The following TRIML2 variants were observed in gnomAD, a reference collection of about 807,000 sequenced individuals.
TRIML2 encodes the protein tripartite motif family like 2, also known as probable E3 ubiquitin-protein ligase TRIML2.
A neutral mutation model predicts 31.2 loss-of-function variants in TRIML2; 28 were observed. The ratio of observed to expected loss-of-function variants is 0.90; its 90% confidence interval spans 0.66 to 1.23. The LOEUF (loss-of-function observed/expected upper bound fraction) is 1.23. TRIML2 is among the 50% of genes most tolerant of loss of function. The probability of loss-of-function intolerance (pLI) is 0.00; values close to 1 mark genes in which losing one functional copy is unlikely to be tolerated. For missense variants in TRIML2, 536 were observed against 528.3 expected, an observed-to-expected ratio of 1.01 and a Z score of -0.14; for synonymous variants, 187 against 197.5, an observed-to-expected ratio of 0.95 and a Z score of 0.45.
intron 3 of TRIML2, among the ~76,000 whole-genome samples, chr4:188,102,439 T>G (rs1335024312): frequency 6.6e-6 from 1 of 152,136 alleles, no homozygotes; most frequent in African/African-American, 2.4e-5. Context: ...GACATCCAAG[T>G]AAAGATAGTA....
chr4:188,101,018 AT>A, intron 4 of TRIML2, 37 bp downstream of exon 4: 1 of 1,539,324 alleles, frequency 6.5e-7, no homozygotes, highest in East Asian at 2.3e-5. Flanking sequence ...TCTTTTTCTC[AT>A]TTCTCAAATA....
intron 3 of TRIML2, 75 bp from the exon 4 acceptor site, chr4:188,101,325 A>C: frequency 1.3e-6 from 1 of 797,326 alleles, no homozygotes; most frequent in African/African-American, 1.7e-5. Flanking sequence ...CATAATAGAT[A>C]GATATCTATA....
At chr4:188,094,542 C>T (rs138067472) in intron 7 of TRIML2, among the ~76,000 whole-genome samples, 32 of 152,102 alleles carry the variant, frequency 2.1e-4, no homozygotes, top group African/African-American at 7.7e-4. Flanking sequence ...TTTACAGTGG[C>T]TGTAAAAAAC....
chr4:188,095,396 A>G (rs1733460008), intron 7 of TRIML2, among the ~76,000 whole-genome samples: 1 of 152,242 alleles, frequency 6.6e-6, no homozygotes, highest in African/African-American at 2.4e-5. Context: ...AATGCTAAAC[A>G]GAACATATAA....
In TRIML2 at chr4:188,101,262, A is replaced by T. The variant is rs1733774874; in HGVS notation, c.286-12T>A. 1.3e-6 allele frequency: 2 copies of T among 1,583,256 alleles called. No homozygotes were observed. Among genetic ancestry groups the T allele is most frequent in the African/African-American group, 1.3e-5 (1 of 74,336 alleles). ...TTTTGTTCCTCTTCCTTCCTCATAT[A>T]GACATGATAGACTTCAGGTTAAACA... On this transcript the variant is annotated splice_polypyrimidine_tract_variant and intron_variant, in intron 3 of 7. Coordinates refer to ENST00000682553, the MANE Select transcript of TRIML2 (RefSeq NM_173553.4).
chr4:188,091,951 G>A lies in TRIML2; in HGVS notation c.746-10C>T. 6 of 1,599,978 alleles carry A rather than the reference G, an allele frequency of 3.8e-6. No homozygotes were observed. The highest frequency in any genetic ancestry group is 5.1e-6 in the Non-Finnish European group (6 of 1,175,354). ...TCCAATGTTAAATGTCCTATCAGGA[G>A]AGAAAACCCTCGTTAACCTAGGAGT... On this transcript the variant is annotated splice_polypyrimidine_tract_variant and intron_variant, in intron 7 of 7. Transcript: ENST00000682553.
intron 7 of TRIML2, among the ~76,000 whole-genome samples, chr4:188,095,645 C>T (rs985268329): frequency 6.6e-5 from 10 of 152,210 alleles, no homozygotes; most frequent in African/African-American, 1.9e-4. Context: ...ATCTTTCGCA[C>T]GTTATTGGTG....
intron 3 of TRIML2, among the ~76,000 whole-genome samples, chr4:188,102,806 G>A (rs1324237153): frequency 6.8e-6 from 1 of 147,454 alleles, no homozygotes; most frequent in Non-Finnish European, 1.5e-5. Context: ...CCGAGATCGC[G>A]TCACTGAACT....
intron 5 of TRIML2, chr4:188,098,206 A>G (rs1368136456): frequency 8.8e-6 from 4 of 452,572 alleles, no homozygotes; most frequent in South Asian, 6.2e-5. Context: ...AATACTTACC[A>G]TAGACTGAGT....
At chr4:188,093,935 T>A (rs973142968) in intron 7 of TRIML2, among the ~76,000 whole-genome samples, 1 of 151,488 alleles carries the variant, frequency 6.6e-6, no homozygotes, top group African/African-American at 2.4e-5. Context: ...AAACCCCGTA[T>A]CTACTAAAAA....
intron 7 of TRIML2, 36 bp downstream of exon 7, chr4:188,097,025 A>G (rs759534797): frequency 2.1e-6 from 3 of 1,421,326 alleles, no homozygotes; most frequent in Non-Finnish European, 3.0e-6. Flanking sequence ...CAAATGCAGA[A>G]CAGTGCCCTG....
intron 1 of TRIML2, among the ~76,000 whole-genome samples, chr4:188,107,626 G>A (rs9996960): frequency 0.024 from 3,586 of 152,282 alleles, 125 homozygotes; most frequent in African/African-American, 0.082. Flanking sequence ...CACTGGCTGG[G>A]TGAGAAATAG....
chr4:188,092,191 T>C (rs540323200), intron 7 of TRIML2, among the ~76,000 whole-genome samples: 3 of 152,016 alleles, frequency 2.0e-5, no homozygotes, highest in African/African-American at 4.8e-5. Context: ...CAAAGATGAA[T>C]GAGCTAAGGA....
chr4:188,107,374 A>G (rs1734083767), intron 1 of TRIML2, among the ~76,000 whole-genome samples: 1 of 152,220 alleles, frequency 6.6e-6, no homozygotes, highest in Non-Finnish European at 1.5e-5. Flanking sequence ...TACAGTAAAC[A>G]TAGATATTAA....
intron 3 of TRIML2, among the ~76,000 whole-genome samples, chr4:188,103,622 CT>C (rs1733899947): frequency 6.6e-6 from 1 of 152,164 alleles, no homozygotes; most frequent in Non-Finnish European, 1.5e-5. Flanking sequence ...GTTCTGATCA[CT>C]TTATTTACAA....
chr4:188,100,982 T>C (rs1487234565), intron 4 of TRIML2, 74 bp downstream of exon 4: 10 of 1,379,282 alleles, frequency 7.3e-6, no homozygotes, highest in Non-Finnish European at 9.8e-6. Flanking sequence ...CTATGTTATT[T>C]TGGAATTGAC....
chr4:188,091,673 T>A lies in TRIML2; in HGVS notation c.1014A>T (p.Lys338Asn). The A allele has an allele frequency of 6.2e-7, 1 of 1,613,252 alleles. No individual in the cohort carries two copies. Among genetic ancestry groups the A allele is most frequent in the South Asian group, 1.1e-5 (1 of 91,070 alleles). Residue 338 changes from lysine to asparagine, a missense_variant, in exon 8 of 8, where the codon AAA (lysine) becomes AAT (asparagine). Transcript: ENST00000682553. The part of the protein sequence containing the change: ...KGSTARASGE[K>N]VLLTGSVMGT... Reference sequence around the variant, plus strand: ...CCATCACCGACCCCGTGAGCAAGACTTTCTCTCCGGAAGCTCTGGCCGTGC... The same window carrying A: ...CCATCACCGACCCCGTGAGCAAGACATTCTCTCCGGAAGCTCTGGCCGTGC...
At position 188,104,912 on chromosome 4, in the gene TRIML2, C is replaced by T. The variant is rs754671947; in HGVS notation, c.210G>A (p.Leu70=). 2 of 1,613,788 alleles carry T rather than the reference C, an allele frequency of 1.2e-6. No individual in the cohort carries two copies. Among genetic ancestry groups the T allele is most frequent in the South Asian group, 2.2e-5 (2 of 91,070 alleles). The change falls in exon 3 of 8, where the codon TTG becomes TTA. Residue 70 remains leucine (L), a synonymous_variant. Coordinates refer to ENST00000682553, the MANE Select transcript of TRIML2 (RefSeq NM_173553.4). ...CTTCAAGTTTCTCCCTCGATGTGTT[C>T]AATATTTCCTGGAATAACTTCTATA... ...ENYRKLFQEI[L]NTSREKLEAA...
At chr4:188,106,398 A>T (rs1249428007) in intron 1 of TRIML2, among the ~76,000 whole-genome samples, 1 of 152,254 alleles carries the variant, frequency 6.6e-6, no homozygotes, top group African/African-American at 2.4e-5. Context: ...TTTGCAAAAC[A>T]GTGAAGCCAA....
Sources: gnomAD v4.1 joint callset for allele counts (sites outside exome capture counted in the v4.1 genomes callset) on GRCh38, gnomAD v4.1.1 for gene constraint, MANE v1.5 for transcripts, NCBI Gene and HGNC (gene_info 2026-07-23, HGNC 2026-07-21) for gene names.